SPAG16: variants seen among roughly 807,000 people sequenced by gnomAD.
SPAG16 encodes the protein sperm-associated antigen 16 protein.
SPAG16 carries 86 observed loss-of-function variants against 80.4 expected under a neutral mutation model. The ratio of observed to expected loss-of-function variants is 1.07; its 90% CI spans 0.90 to 1.28. SPAG16 has a LOEUF of 1.28. SPAG16 is among the 50% of genes most tolerant of loss of function. The probability of loss-of-function intolerance (pLI) is 0.00; values close to 1 mark genes in which losing one functional copy is unlikely to be tolerated. For synonymous variants in SPAG16, 294 were observed against 265.9 expected (o/e 1.11, Z -1.03); for missense variants, 870 against 765.3 (o/e 1.14, Z -1.61).
intron 11 of SPAG16, among the ~76,000 whole-genome samples, chr2:213,922,584 T>C (rs2078274884): frequency 6.6e-6 from 1 of 152,218 alleles, no homozygotes; most frequent in Admixed American, 6.5e-5. Context: ...TATGATTATT[T>C]AGAGGAAAGA....
At chr2:213,716,802 G>GTT (rs1281606765) in intron 10 of SPAG16, among the ~76,000 whole-genome samples, 2 of 152,214 alleles carry the variant, frequency 1.3e-5, no homozygotes, top group African/African-American at 4.8e-5. Flanking sequence ...AGGACCTGGA[G>GTT]TTTACACATA....
At chr2:213,962,709 A>G (rs2044511085) in intron 12 of SPAG16, among the ~76,000 whole-genome samples, 1 of 152,238 alleles carries the variant, frequency 6.6e-6, no homozygotes, top group Non-Finnish European at 1.5e-5. Flanking sequence ...TTATGGCAAC[A>G]TTAGCTAACT....
intron 10 of SPAG16, among the ~76,000 whole-genome samples, chr2:213,556,443 G>T (rs1455819214): frequency 6.6e-6 from 1 of 151,858 alleles, no homozygotes; most frequent in East Asian, 1.9e-4. Flanking sequence ...AGATAGCGGG[G>T]ATAGCTAAAC....
intron 11 of SPAG16, among the ~76,000 whole-genome samples, chr2:213,898,526 T>TC (rs1269762634): frequency 1.3e-5 from 2 of 152,032 alleles, no homozygotes; most frequent in African/African-American, 4.8e-5. Flanking sequence ...TGACTGTTGC[T>TC]CCCCCACTGA....
chr2:213,939,268 A>G (rs945117113), intron 12 of SPAG16, among the ~76,000 whole-genome samples: 2 of 152,226 alleles, frequency 1.3e-5, no homozygotes, highest in Non-Finnish European at 2.9e-5. Context: ...AGCTGGGGAT[A>G]TAGCACTGAA....
chr2:213,533,546 G>A (rs968328709), intron 10 of SPAG16, among the ~76,000 whole-genome samples: 1 of 152,092 alleles, frequency 6.6e-6, no homozygotes. Flanking sequence ...GTTGTGAACC[G>A]AATGGTACCA....
intron 13 of SPAG16, among the ~76,000 whole-genome samples, chr2:214,063,235 G>A (rs2050370804): frequency 6.6e-6 from 1 of 152,098 alleles, no homozygotes; most frequent in Non-Finnish European, 1.5e-5. Flanking sequence ...AGGCACATTG[G>A]TTTCCTTTAT....
At chr2:213,920,015 C>T (rs4673789) in intron 11 of SPAG16, among the ~76,000 whole-genome samples, 89,034 of 152,048 alleles carry the variant, frequency 0.59, 27,864 homozygotes, top group South Asian at 0.84. Context: ...GTCTTCTCAT[C>T]GAATTGAAAT....
intron 10 of SPAG16, among the ~76,000 whole-genome samples, chr2:213,594,863 C>T (rs1336990006): frequency 6.6e-6 from 1 of 152,020 alleles, no homozygotes. Context: ...TTTCAAAGTA[C>T]ATTTTTTTGT....
intron 10 of SPAG16, among the ~76,000 whole-genome samples, chr2:213,826,502 T>TG (rs143898713): frequency 0.2 from 29,654 of 151,968 alleles, 3,434 homozygotes; most frequent in South Asian, 0.34. Context: ...CTTGACCCAC[T>TG]GATCATTCAG....
chr2:213,312,100 A>G (rs1366403783), intron 4 of SPAG16, among the ~76,000 whole-genome samples: 1 of 151,668 alleles, frequency 6.6e-6, no homozygotes, highest in Non-Finnish European at 1.5e-5. Flanking sequence ...GGTATTGTAT[A>G]TGGCTGCTTT....
intron 15 of SPAG16, among the ~76,000 whole-genome samples, chr2:214,381,733 A>G (rs1224078448): frequency 6.6e-6 from 1 of 152,194 alleles, no homozygotes; most frequent in African/African-American, 2.4e-5. Flanking sequence ...GGAGACCCCA[A>G]TTCAAAGTAG....
At chr2:214,319,285 G>A (rs1295210060) in intron 15 of SPAG16, among the ~76,000 whole-genome samples, 1 of 151,120 alleles carries the variant, frequency 6.6e-6, no homozygotes, top group Admixed American at 6.6e-5. Flanking sequence ...GTTTCCTAGT[G>A]CTAGGCCAAA....
At chr2:213,822,403 T>G (rs907880346) in intron 10 of SPAG16, among the ~76,000 whole-genome samples, 1 of 152,144 alleles carries the variant, frequency 6.6e-6, no homozygotes, top group African/African-American at 2.4e-5. Flanking sequence ...ATAGAGTTGT[T>G]TGAGCTCCTT....
intron 15 of SPAG16, among the ~76,000 whole-genome samples, chr2:214,312,314 C>T (rs1216182806): frequency 6.6e-6 from 1 of 152,180 alleles, no homozygotes; most frequent in African/African-American, 2.4e-5. Flanking sequence ...CACTTGAATA[C>T]CACTTGGTAA....
intron 14 of SPAG16, among the ~76,000 whole-genome samples, chr2:214,130,728 T>C (rs189889546): frequency 2.0e-5 from 3 of 152,284 alleles, no homozygotes; most frequent in Non-Finnish European, 4.4e-5. Context: ...AAAGATCTCA[T>C]ACATGAATAT....
intron 10 of SPAG16, among the ~76,000 whole-genome samples, chr2:213,833,473 A>ATTATATATTATAT (rs1431535446): frequency 1.0e-3 from 7 of 6,748 alleles, no homozygotes; most frequent in Non-Finnish European, 1.1e-3. Flanking sequence ...TATTATATAT[A>ATTATATATTATAT]ATAATATATA....
intron 10 of SPAG16, among the ~76,000 whole-genome samples, chr2:213,708,958 A>G (rs919777032): frequency 1.3e-5 from 2 of 152,192 alleles, no homozygotes; most frequent in African/African-American, 4.8e-5. Context: ...ATCAGCAGAC[A>G]TAACAGAATC....
intron 9 of SPAG16, among the ~76,000 whole-genome samples, chr2:213,403,046 A>G (rs1201337593): frequency 2.0e-5 from 3 of 151,800 alleles, no homozygotes; most frequent in African/African-American, 7.3e-5. Context: ...TCCCACCAAC[A>G]GTGTCAAAGT....
Sources: allele counts gnomAD v4.1 joint callset (sites outside exome capture counted in the v4.1 genomes callset), GRCh38; gene constraint gnomAD v4.1.1; transcripts MANE v1.5; gene names NCBI Gene and HGNC (gene_info 2026-07-23, HGNC 2026-07-21).